The following CDH13 variants were observed in gnomAD, a reference collection of about 807,000 sequenced individuals.
CDH13 encodes cadherin-13.
A neutral mutation model predicts 63.8 loss-of-function variants in CDH13; 24 were observed. The ratio of observed to expected loss-of-function variants is 0.38; its 90% CI spans 0.27 to 0.53. The LOEUF (loss-of-function observed/expected upper bound fraction) is 0.53, where lower values mean the gene tolerates loss of function less well. Among genes scored for constraint, CDH13 ranks in the 20% least tolerant of loss-of-function variants. The pLI is 0.85. For synonymous variants in CDH13, 503 were observed against 355.3 expected, an observed-to-expected ratio of 1.42 and a Z score of -4.67; for missense variants, 1,049 against 903.1, an observed-to-expected ratio of 1.16 and a Z score of -2.07.
chr16:83,603,228 A>G (rs1022100726), intron 8 of CDH13, among the ~76,000 whole-genome samples: 7 of 152,252 alleles, frequency 4.6e-5, no homozygotes, highest in Non-Finnish European at 7.3e-5. Context: ...TGCACTAAGC[A>G]CATTCTGATG....
intron 5 of CDH13, among the ~76,000 whole-genome samples, chr16:83,278,251 T>C (rs1597649722): frequency 6.6e-6 from 1 of 152,332 alleles, no homozygotes; most frequent in East Asian, 1.9e-4. Flanking sequence ...ATATGACTCC[T>C]TTATCTCTCA....
intron 10 of CDH13, among the ~76,000 whole-genome samples, chr16:83,739,050 T>C (rs527592847): frequency 3.3e-5 from 5 of 152,338 alleles, no homozygotes; most frequent in African/African-American, 9.6e-5. Context: ...CTGCTGTTCC[T>C]AGAAAGACCT....
intron 4 of CDH13, among the ~76,000 whole-genome samples, chr16:83,157,505 G>C (rs1464283158): frequency 6.6e-6 from 1 of 152,130 alleles, no homozygotes; most frequent in Non-Finnish European, 1.5e-5. Context: ...AGTTGATTGT[G>C]AAAACTGTGT....
intron 1 of CDH13, among the ~76,000 whole-genome samples, chr16:82,772,321 G>A (rs147028608): frequency 6.6e-5 from 10 of 152,212 alleles, no homozygotes; most frequent in South Asian, 2.1e-4. Context: ...CTGGGGGTCC[G>A]TGTGCACTAA....
At chr16:82,972,229 C>G (rs528659697) in intron 2 of CDH13, among the ~76,000 whole-genome samples, 8 of 151,454 alleles carry the variant, frequency 5.3e-5, no homozygotes, top group African/African-American at 2.0e-4. Context: ...GAGGAGGACC[C>G]TATGACAGAA....
chr16:83,670,002 T>C (rs1914361948), intron 8 of CDH13, among the ~76,000 whole-genome samples: 1 of 152,238 alleles, frequency 6.6e-6, no homozygotes, highest in Non-Finnish European at 1.5e-5. Context: ...TGATTTTTCA[T>C]TTATTGATTT....
At chr16:83,273,385 T>C (rs944004336) in intron 5 of CDH13, among the ~76,000 whole-genome samples, 2 of 152,022 alleles carry the variant, frequency 1.3e-5, no homozygotes, top group Non-Finnish European at 2.9e-5. Flanking sequence ...CGTCTTAGTG[T>C]CTATGAGTGA....
intron 1 of CDH13, among the ~76,000 whole-genome samples, chr16:82,696,245 A>C (rs1023065466): frequency 6.6e-6 from 1 of 152,184 alleles, no homozygotes; most frequent in South Asian, 2.1e-4. Flanking sequence ...AATTGATTTT[A>C]TTCACGTTAT....
intron 3 of CDH13, among the ~76,000 whole-genome samples, chr16:83,055,414 TA>T (rs1361055618): frequency 1.3e-5 from 2 of 151,758 alleles, no homozygotes. Flanking sequence ...TATGGCTAAT[TA>T]AACAAATGGA....
intron 4 of CDH13, among the ~76,000 whole-genome samples, chr16:83,164,384 A>G (rs2037573704): frequency 6.6e-6 from 1 of 151,954 alleles, no homozygotes; most frequent in Non-Finnish European, 1.5e-5. Context: ...TTAGGTCACA[A>G]TCCACGTCCC....
At chr16:82,727,746 T>A (rs2033178329) in intron 1 of CDH13, 1 of 152,206 alleles carries the variant, frequency 6.6e-6, no homozygotes, top group Admixed American at 6.6e-5. Flanking sequence ...TGCATGTTAC[T>A]ATGTGATCAG....
Position 82,708,610 on chromosome 16 carries a change from C to T in CDH13, c.45+81473C>T, listed in dbSNP as rs565484479. On this transcript the variant is annotated intron_variant, in intron 1 of 13. Transcript: ENST00000567109. ...TCCAAAGCCAACTGGTATCTTCTTA[C>T]TTGTCTCTTGATTCTAATTTATCTA... Among the ~76,000 whole-genome samples, 4 of 152,290 alleles carry T rather than the reference C, an allele frequency of 2.6e-5. No individual in the cohort carries two copies. The South Asian group carries it at 8.3e-4, about 32-fold the overall frequency.
Position 83,032,093 on chromosome 16 carries a change from T to C in CDH13, c.241T>C (p.Leu81=). 2.5e-6 allele frequency: 4 copies of C among 1,613,042 alleles called. No individual in the cohort carries two copies. The highest frequency in any genetic ancestry group is 3.4e-6 in the Non-Finnish European group (4 of 1,179,536). ...PYFKVNSDGG[L]VALRNITAVG... is the part of the protein sequence containing the mutation. ...CTTCAAGGTGAACAGCGATGGCGGC[T>C]TAGTTGCTCTGAGAAACATAACTGC... Residue 81 remains leucine (L), a synonymous_variant, in exon 3 of 14, where the codon TTA becomes CTA. Coordinates refer to ENST00000567109, the MANE Select transcript of CDH13 (RefSeq NM_001257.5).
intron 2 of CDH13, among the ~76,000 whole-genome samples, chr16:82,870,626 A>G (rs1351885770): frequency 6.6e-6 from 1 of 152,206 alleles, no homozygotes. Context: ...TACATACCCA[A>G]TAAGATGAAA....
chr16:82,761,603 A>C (rs559853331), intron 1 of CDH13, among the ~76,000 whole-genome samples: 2 of 152,334 alleles, frequency 1.3e-5, no homozygotes, highest in East Asian at 1.9e-4. Flanking sequence ...GCAACAATTA[A>C]CTGGCAGTTT....
chr16:82,772,836 T>A (rs925218142), intron 1 of CDH13, among the ~76,000 whole-genome samples: 1 of 152,196 alleles, frequency 6.6e-6, no homozygotes. Flanking sequence ...ATGCAAAGAT[T>A]GAATAACTTT....
chr16:83,051,363 G>A (rs573410282), intron 3 of CDH13, among the ~76,000 whole-genome samples: 13 of 152,310 alleles, frequency 8.5e-5, no homozygotes, highest in African/African-American at 2.9e-4. Context: ...TTACAGGAAT[G>A]AGGATCAGAT....
chr16:82,939,137 C>T (rs1156271115), intron 2 of CDH13, among the ~76,000 whole-genome samples: 1 of 152,142 alleles, frequency 6.6e-6, no homozygotes, highest in African/African-American at 2.4e-5. Context: ...AAGCAGTGGT[C>T]ACAAGGCTGG....
At chr16:83,648,257 G>A (rs1027447982) in intron 8 of CDH13, among the ~76,000 whole-genome samples, 1 of 152,140 alleles carries the variant, frequency 6.6e-6, no homozygotes, top group Non-Finnish European at 1.5e-5. Context: ...TATTTTACAT[G>A]CAAGAACAAG....
Sources: gnomAD v4.1 joint callset for allele counts (sites outside exome capture counted in the v4.1 genomes callset) on GRCh38, gnomAD v4.1.1 for gene constraint, MANE v1.5 for transcripts, NCBI Gene and HGNC (gene_info 2026-07-23, HGNC 2026-07-21) for gene names.